MRTFB: variants seen among roughly 807,000 people sequenced by gnomAD.
MRTFB encodes the protein myocardin related transcription factor B.
Under a neutral mutation model 104.2 loss-of-function variants are expected in MRTFB, and 29 were observed. The observed-to-expected ratio is 0.28, with a 90% CI of 0.21 to 0.38. MRTFB has a LOEUF of 0.38. MRTFB is among the 10% of genes least tolerant of loss of function. The probability of loss-of-function intolerance (pLI) is 1.00; values close to 1 mark genes in which losing one functional copy is unlikely to be tolerated. For missense variants in MRTFB, 1,270 were observed against 1,341.6 expected (o/e 0.95, Z 0.83); for synonymous variants, 535 against 519.5 (o/e 1.03, Z -0.41).
At chr16:14,172,536 G>C (rs542647506) in intron 3 of MRTFB, among the ~76,000 whole-genome samples, 2 of 152,254 alleles carry the variant, frequency 1.3e-5, no homozygotes, top group East Asian at 3.9e-4. Context: ...TTATCTGTCA[G>C]GTAAATTCCT....
At chr16:14,094,610 AAAATCT>A (rs1239564322) in intron 2 of MRTFB, among the ~76,000 whole-genome samples, 1 of 152,238 alleles carries the variant, frequency 6.6e-6, no homozygotes, top group Admixed American at 6.5e-5. Flanking sequence ...TCCTGTTAAT[AAAATCT>A]AAGTTTCACC....
At chr16:14,049,615 AC>A in the MRTFB span, among the ~76,000 whole-genome samples, 1 of 152,234 alleles carries the variant, frequency 6.6e-6, no homozygotes, top group Non-Finnish European at 1.5e-5. Context: ...CAATTGGCAG[AC>A]TTTGAATATG....
chr16:14,007,924 T>G, the MRTFB span, among the ~76,000 whole-genome samples: 1 of 152,222 alleles, frequency 6.6e-6, no homozygotes, highest in Non-Finnish European at 1.5e-5. Flanking sequence ...ATGGGGTTAT[T>G]TGTCTTTTTA....
chr16:14,238,330 G>T (rs141145447), intron 9 of MRTFB, among the ~76,000 whole-genome samples: 2 of 152,142 alleles, frequency 1.3e-5, no homozygotes, highest in East Asian at 1.9e-4. Flanking sequence ...TATGACAAAG[G>T]GGGGGACTGT....
chr16:14,065,595 C>A, the MRTFB span, among the ~76,000 whole-genome samples: 1 of 151,978 alleles, frequency 6.6e-6, no homozygotes, highest in African/African-American at 2.4e-5. Context: ...GAAGATGCCT[C>A]TTAAAGCCTG....
intron 2 of MRTFB, among the ~76,000 whole-genome samples, chr16:14,088,565 A>G (rs2034863501): frequency 1.3e-5 from 2 of 152,164 alleles, no homozygotes; most frequent in Non-Finnish European, 2.9e-5. Context: ...CACCCCCAGC[A>G]TTATTTTCAC....
Position 14,262,426 on chromosome 16 carries a change from A to G in MRTFB, c.*982A>G, listed in dbSNP as rs1567233639. 6.6e-6 allele frequency: 1 copy of G among 152,234 alleles called. No homozygotes were observed. The highest frequency in any genetic ancestry group is 1.5e-5 in the Non-Finnish European group (1 of 68,044). The allele number at this position is 152,234 out of a possible 1,614,324, so 9.4% of individuals were successfully genotyped here. A position where few individuals can be genotyped will look rare whatever the true frequency, so the allele number is the denominator to read the frequency against. Reference sequence around the variant, plus strand: ...CCAAGAAAAGGCTTTAGCATGAAATATCTTTCTGAGCTGGCGAGTTAGAAG... The same window carrying G: ...CCAAGAAAAGGCTTTAGCATGAAATGTCTTTCTGAGCTGGCGAGTTAGAAG... On this transcript the variant is annotated 3_prime_UTR_variant, in exon 17 of 17. Coordinates refer to ENST00000571589, the MANE Select transcript of MRTFB (RefSeq NM_001308142.2).
chr16:14,221,545 A>G (rs569275550), intron 8 of MRTFB, among the ~76,000 whole-genome samples: 1 of 152,208 alleles, frequency 6.6e-6, no homozygotes, highest in Non-Finnish European at 1.5e-5. Context: ...AATTACCATC[A>G]TACCACTGCC....
chr16:14,004,884 G>A, the MRTFB span, among the ~76,000 whole-genome samples: 3 of 152,230 alleles, frequency 2.0e-5, no homozygotes, highest in Non-Finnish European at 4.4e-5. Context: ...CATAGAACCA[G>A]CTCCCATCTG....
intron 2 of MRTFB, among the ~76,000 whole-genome samples, chr16:14,110,205 G>C (rs959703564): frequency 6.6e-6 from 1 of 152,354 alleles, no homozygotes; most frequent in South Asian, 2.1e-4. Context: ...GGTAAAGCCA[G>C]ACCAGCAGCC....
the MRTFB span, among the ~76,000 whole-genome samples, chr16:14,044,913 A>G: frequency 6.6e-6 from 1 of 152,138 alleles, no homozygotes; most frequent in Non-Finnish European, 1.5e-5. Flanking sequence ...TGGGTCTACA[A>G]CTGGTAGGCT....
chr16:14,022,664 TACAGGC>T, the MRTFB span, among the ~76,000 whole-genome samples: 1 of 152,084 alleles, frequency 6.6e-6, no homozygotes, highest in Non-Finnish European at 1.5e-5. Flanking sequence ...GTGCTGGGAT[TACAGGC>T]ATGAGCCACC....
At chr16:14,088,493 G>A (rs1320076113) in intron 2 of MRTFB, among the ~76,000 whole-genome samples, 1 of 152,160 alleles carries the variant, frequency 6.6e-6, no homozygotes, top group Non-Finnish European at 1.5e-5. Context: ...AAAGTTCTTA[G>A]AATGTTGACA....
At chr16:14,233,441 G>A (rs903085984) in intron 8 of MRTFB, among the ~76,000 whole-genome samples, 5 of 152,102 alleles carry the variant, frequency 3.3e-5, no homozygotes, top group African/African-American at 1.2e-4. Context: ...CCTGAAGGTC[G>A]TGTTTGGATC....
Position 14,243,864 on chromosome 16 carries a change from G to GTTTGTTTTTTTTTTTTTTTTT in MRTFB, c.1080-1661_1080-1660insGTTTTTTTTTTTTTTTTTTTT, listed in dbSNP as rs750881308. ...CAGAGATTAGTTTTGCCTGTTTTGGGTTTTTTTTTTTTTGAGACAGAGTCT... is the reference window on the plus strand; with the variant it reads ...CAGAGATTAGTTTTGCCTGTTTTGGGTTTGTTTTTTTTTTTTTTTTTTTTTTTTTTTTTTGAGACAGAGTCT... On this transcript the variant is annotated intron_variant, in intron 10 of 16. Coordinates refer to ENST00000571589, the MANE Select transcript of MRTFB (RefSeq NM_001308142.2). 5.4e-3 allele frequency among the ~76,000 whole-genome samples: 674 copies of GTTTGTTTTTTTTTTTTTTTTT among 124,488 alleles called. 72 individuals carry two copies. Among genetic ancestry groups the GTTTGTTTTTTTTTTTTTTTTT allele is most frequent in the African/African-American group, 0.024 (636 of 26,340 alleles). The allele number at this position is 124,488 out of a possible 152,430, so 81.7% of individuals were successfully genotyped here.
intron 15 of MRTFB, among the ~76,000 whole-genome samples, chr16:14,256,584 A>G (rs1053576715): frequency 6.6e-6 from 1 of 152,206 alleles, no homozygotes; most frequent in South Asian, 2.1e-4. Flanking sequence ...AGAGGCTCAC[A>G]TGGAGGGGCA....
chr16:14,247,300 C>G lies in MRTFB; in HGVS notation c.2040C>G (p.Ile680Met), dbSNP rs778173144. ...QTLVAKKAVV[I>M]KQEVPVGQAE... Reference sequence around the variant, plus strand: ...TTGTTGCCAAAAAGGCTGTAGTTATCAAGCAAGAGGTCCCTGTGGGCCAGG... The same window carrying G: ...TTGTTGCCAAAAAGGCTGTAGTTATGAAGCAAGAGGTCCCTGTGGGCCAGG... The change falls in exon 12 of 17, where the codon ATC becomes ATG. Residue 680 changes from isoleucine to methionine, a missense_variant. Around this residue, in one of 3 missense-constraint regions of MRTFB, gnomAD observed 1,144 missense variants for 1,131.5 expected, o/e 1.01. Transcript: ENST00000571589. The G allele has an allele frequency of 6.2e-7, 1 of 1,614,210 alleles. No homozygotes were observed. Among genetic ancestry groups the G allele is most frequent in the South Asian group, 1.1e-5 (1 of 91,086 alleles).
intron 3 of MRTFB, among the ~76,000 whole-genome samples, chr16:14,186,374 A>G (rs1432042902): frequency 1.3e-5 from 2 of 152,178 alleles, no homozygotes; most frequent in Non-Finnish European, 2.9e-5. Flanking sequence ...TGGAGAACTT[A>G]ATGAGTAATT....
At chr16:14,240,085 T>A in intron 9 of MRTFB, 152 bp from the exon 10 acceptor site, 2 of 966,432 alleles carry the variant, frequency 2.1e-6, no homozygotes, top group Non-Finnish European at 3.0e-6. Context: ...TTTCATGGCT[T>A]TTGAAACGAA....
Sources: gnomAD v4.1 joint callset for allele counts (sites outside exome capture counted in the v4.1 genomes callset) on GRCh38, gnomAD v4.1.1 for gene constraint, gnomAD v4.1.1 regional missense constraint, MANE v1.5 for transcripts, NCBI Gene and HGNC (gene_info 2026-07-23, HGNC 2026-07-21) for gene names.